EML2: variants seen among roughly 807,000 people sequenced by gnomAD.
The protein encoded by EML2 is echinoderm microtubule-associated protein-like 2.
In EML2, 59 loss-of-function variants were observed where a neutral mutation model predicts 84.7. The observed-to-expected ratio is 0.70, with a 90% confidence interval of 0.56 to 0.86. The LOEUF (loss-of-function observed/expected upper bound fraction) is 0.86, where lower values mean the gene tolerates loss of function less well. Ranked by LOEUF, EML2 falls within the 40% of genes least tolerant of loss-of-function variation. The probability of loss-of-function intolerance (pLI) is 0.00; values close to 1 mark genes in which losing one functional copy is unlikely to be tolerated. For synonymous variants in EML2, 352 were observed against 348.9 expected (o/e 1.01, Z -0.10); for missense variants, 818 against 855.6 (o/e 0.96, Z 0.55).
chr19:45,613,096 A>C (rs1970662643), intron 18 of EML2, among the ~76,000 whole-genome samples: 1 of 151,898 alleles, frequency 6.6e-6, no homozygotes, highest in Non-Finnish European at 1.5e-5. Flanking sequence ...ATGGGGTCTC[A>C]CTTTGTTGCC....
Position 45,613,611 on chromosome 19 carries a change from C to G in EML2, c.1754G>C (p.Gly585Ala). ...DINAVARSHD[G>A]KLLASADDFG... is the part of the protein sequence containing the mutation. Reference sequence around the variant, plus strand: ...GTCATCAGCTGAAGCCAGCAACTTCCCATCATGAGAGCGGGCCACAGCGTT... The same window carrying G: ...GTCATCAGCTGAAGCCAGCAACTTCGCATCATGAGAGCGGGCCACAGCGTT... The change falls in exon 18 of 19, where the codon GGG becomes GCG. Residue 585 changes from glycine to alanine, a missense_variant. Physicochemically the swap from Gly to Ala is moderately conservative, Grantham distance 60 (BLOSUM62 0). Transcript: ENST00000245925. 1 of 1,614,052 alleles carries G rather than the reference C, an allele frequency of 6.2e-7. No individual in the cohort carries two copies. The highest frequency in any genetic ancestry group is 8.5e-7 in the Non-Finnish European group (1 of 1,180,006).
intron 8 of EML2, among the ~76,000 whole-genome samples, chr19:45,625,072 T>A (rs1357110693): frequency 6.6e-6 from 1 of 152,144 alleles, no homozygotes; most frequent in African/African-American, 2.4e-5. Context: ...CTGGTCCCCC[T>A]GACTCTTTCT....
At position 45,626,711 on chromosome 19, in the gene EML2, G is replaced by A. The variant is rs553108617; in HGVS notation, c.735C>T (p.Leu245=). Residue 245 remains leucine (L), a synonymous_variant, in exon 8 of 19, where the codon CTC becomes CTT. Coordinates refer to ENST00000245925, the MANE Select transcript of EML2 (RefSeq NM_012155.4). ...CCAAACCCCTGGCACTCACCTCAAAGAGGCCTTGCCGCTTGCTCAAGCTGC... is the reference window on the plus strand; with the variant it reads ...CCAAACCCCTGGCACTCACCTCAAAAAGGCCTTGCCGCTTGCTCAAGCTGC... ...EGGSLSKRQG[L]FEKHEKPKYV... is the part of the protein sequence containing the mutation. The A allele has an allele frequency of 6.2e-7, 1 of 1,613,330 alleles. No individual in the cohort carries two copies. Among genetic ancestry groups the A allele is most frequent in the South Asian group, 1.1e-5 (1 of 90,980 alleles).
At chr19:45,613,856 A>G (rs1281702034) in intron 17 of EML2, among the ~76,000 whole-genome samples, 185 bp from the exon 18 acceptor site, 1 of 152,022 alleles carries the variant, frequency 6.6e-6, no homozygotes, top group Non-Finnish European at 1.5e-5. Flanking sequence ...AAACCCTTCC[A>G]TGGCTCCCTG....
rs1970284419 is a variant in EML2, at chr19:45,609,713, G to C, written c.1900C>G (p.Leu634Val). ...CTGGTGTCCTTGCCCCCTGTGGTCA[G>C]GGCCATGCTGTCATCCCACAAGAAG... is the stretch of plus-strand genomic sequence containing the variant. Reference protein sequence around the residue: ...VAFLWDDSMALTTGGKDTSVL... With the variant: ...VAFLWDDSMAVTTGGKDTSVL... Residue 634 changes from leucine to valine, a missense_variant, in exon 19 of 19, where the codon CTG becomes GTG. Leu to Val is a conservative substitution (Grantham distance 32). Coordinates refer to ENST00000245925, the MANE Select transcript of EML2 (RefSeq NM_012155.4). 2 of 1,613,586 alleles carry C rather than the reference G, an allele frequency of 1.2e-6. No homozygotes were observed. The highest frequency in any genetic ancestry group is 1.7e-6 in the Non-Finnish European group (2 of 1,179,866).
At chr19:45,633,002 G>C in intron 5 of EML2, 31 bp from the exon 6 acceptor site, 1 of 1,603,812 alleles carries the variant, frequency 6.2e-7, no homozygotes, top group Non-Finnish European at 8.5e-7. Flanking sequence ...TTACCTTGGG[G>C]GTGCCAGCTG....
At chr19:45,628,518 C>A (rs946813622) in intron 7 of EML2, among the ~76,000 whole-genome samples, 5 of 152,022 alleles carry the variant, frequency 3.3e-5, no homozygotes, top group Non-Finnish European at 5.9e-5. Context: ...AAACAGTGGG[C>A]CTTGATTCAA....
chr19:45,634,533 TTTTA>T lies in EML2; in HGVS notation c.180-66_180-63del, dbSNP rs374592768. The stretch of plus-strand genomic sequence containing the variant: ...TGTTGTTGTTGTTTGTTTGTTTTGT[TTTTA>T]TTTATTTATTTATTTTTAATTTTTT... On this transcript the variant is annotated intron_variant, in intron 3 of 18. Transcript: ENST00000245925. 3,858 of 1,215,952 alleles carry T rather than the reference TTTTA, an allele frequency of 3.2e-3. 23 individuals are homozygous for T. Among genetic ancestry groups the T allele is most frequent in the African/African-American group, 0.025 (1,601 of 62,884 alleles). The allele number at this position is 1,215,952 out of a possible 1,614,324, so 75.3% of individuals were successfully genotyped here. A position where few individuals can be genotyped will look rare whatever the true frequency, so the allele number is the denominator to read the frequency against.
upstream of EML2, chr19:45,645,472 C>G (rs1172406139): frequency 2.1e-5 from 30 of 1,406,404 alleles, no homozygotes; most frequent in Non-Finnish European, 2.8e-5. Flanking sequence ...TGGCATCAGG[C>G]GGCCGGCGCC....
chr19:45,641,654 C>T, upstream of EML2: 3 of 1,535,980 alleles, frequency 2.0e-6, no homozygotes, highest in Non-Finnish European at 2.6e-6. Flanking sequence ...TCCTTTTTGG[C>T]GCTACAGTTG....
chr19:45,632,710 T>A, intron 6 of EML2, 151 bp downstream of exon 6: 5 of 659,320 alleles, frequency 7.6e-6, no homozygotes, highest in Non-Finnish European at 1.0e-5. Flanking sequence ...CCCCTTGGGG[T>A]GAGGACACGC....
chr19:45,639,400 G>A (rs1974178986), upstream of EML2: 2 of 1,256,490 alleles, frequency 1.6e-6, no homozygotes, highest in Admixed American at 8.4e-5. Flanking sequence ...GGAGCTTCGG[G>A]GCCGGGGGTG....
chr19:45,621,974 C>T (rs942620587), intron 9 of EML2, among the ~76,000 whole-genome samples: 1 of 151,642 alleles, frequency 6.6e-6, no homozygotes, highest in African/African-American at 2.4e-5. Context: ...AACTCCTGAC[C>T]TCAAGTGATC....
chr19:45,645,419 C>T (rs1178065701), upstream of EML2: 2 of 1,468,214 alleles, frequency 1.4e-6, no homozygotes, highest in Non-Finnish European at 1.8e-6. Context: ...CTCCCGTTGC[C>T]ATAGCAACGC....
intron 6 of EML2, among the ~76,000 whole-genome samples, chr19:45,631,884 A>ATTTT (rs755529171): frequency 0.15 from 13,748 of 89,974 alleles, 1,817 homozygotes; most frequent in East Asian, 0.21. Flanking sequence ...GCTAATTAGA[A>ATTTT]TTTTTTTTTT....
intron 6 of EML2, chr19:45,632,438 C>G (rs1973164238): frequency 5.8e-6 from 1 of 171,508 alleles, no homozygotes; most frequent in South Asian, 1.3e-4. Flanking sequence ...CTCAGCCCCC[C>G]AGAGTGCTGG....
upstream of EML2, chr19:45,643,441 CAGA>C: frequency 9.3e-7 from 1 of 1,070,008 alleles, no homozygotes; most frequent in Non-Finnish European, 1.4e-6. Context: ...CCCCGCGCCC[CAGA>C]TTTGGCTCTC....
At chr19:45,616,371 G>A in intron 15 of EML2, 90 bp downstream of exon 15, 1 of 958,842 alleles carries the variant, frequency 1.0e-6, no homozygotes, top group South Asian at 1.5e-5. Flanking sequence ...GTTGAGTGTT[G>A]AAGCTGCGCT....
intron 6 of EML2, chr19:45,632,568 T>C (rs1376016510): frequency 1.2e-5 from 4 of 339,294 alleles, no homozygotes. Context: ...CCTAAAGGCA[T>C]ACTCTCGCTT....
Sources: allele counts gnomAD v4.1 joint callset (sites outside exome capture counted in the v4.1 genomes callset), GRCh38; gene constraint gnomAD v4.1.1; transcripts MANE v1.5; gene names NCBI Gene and HGNC (gene_info 2026-07-23, HGNC 2026-07-21).